The following MYRIP variants were observed in gnomAD, a reference collection of about 807,000 sequenced individuals.
The protein encoded by MYRIP is myosin VIIA and Rab interacting protein.
A neutral mutation model predicts 98.0 loss-of-function variants in MYRIP; 49 were observed. The ratio of observed to expected loss-of-function variants is 0.50; its 90% CI spans 0.40 to 0.63. MYRIP has a LOEUF of 0.63. Ranked by LOEUF, MYRIP falls within the 30% of genes least tolerant of loss-of-function variation. The probability of loss-of-function intolerance (pLI) is 0.00; values close to 1 mark genes in which losing one functional copy is unlikely to be tolerated. For synonymous variants in MYRIP, 404 were observed against 409.5 expected, an observed-to-expected ratio of 0.99 and a Z score of 0.16; for missense variants, 1,004 against 1,058.2, an observed-to-expected ratio of 0.95 and a Z score of 0.71.
intron 10 of MYRIP, among the ~76,000 whole-genome samples, chr3:40,199,118 C>T (rs1206215630): frequency 6.6e-6 from 1 of 152,138 alleles, no homozygotes; most frequent in Non-Finnish European, 1.5e-5. Context: ...GTCATGGAAG[C>T]TCTAGTAGAA....
intron 12 of MYRIP, among the ~76,000 whole-genome samples, chr3:40,237,897 C>A (rs79361833): frequency 0.044 from 6,628 of 152,330 alleles, 183 homozygotes; most frequent in Middle Eastern, 0.078. Context: ...GCCCTTTTAT[C>A]TTTACCTCCA....
At chr3:40,187,440 A>G (rs1025655017) in intron 9 of MYRIP, among the ~76,000 whole-genome samples, 2 of 152,224 alleles carry the variant, frequency 1.3e-5, no homozygotes, top group African/African-American at 4.8e-5. Context: ...AGGAGCCATC[A>G]GGAATTAATT....
intron 3 of MYRIP, among the ~76,000 whole-genome samples, chr3:40,141,015 AT>A (rs1017697151): frequency 1.3e-5 from 2 of 152,012 alleles, no homozygotes; most frequent in African/African-American, 4.8e-5. Flanking sequence ...CATTCTAACG[AT>A]TTTTTTGTAC....
chr3:40,035,099 G>A (rs7629989), intron 2 of MYRIP, among the ~76,000 whole-genome samples: 2,209 of 146,870 alleles, frequency 0.015, 57 homozygotes, highest in African/African-American at 0.052. Context: ...GGGAGGGATA[G>A]CATTAGGAGA....
chr3:39,849,115 A>G (rs929082121), intron 1 of MYRIP, among the ~76,000 whole-genome samples: 11 of 152,254 alleles, frequency 7.2e-5, no homozygotes, highest in Admixed American at 3.9e-4. Context: ...ATATAGATAT[A>G]GGTAAACCAC....
intron 1 of MYRIP, among the ~76,000 whole-genome samples, chr3:39,860,460 T>G (rs2125617319): frequency 6.6e-6 from 1 of 152,302 alleles, no homozygotes; most frequent in South Asian, 2.1e-4. Context: ...TTTGGGGAAC[T>G]GTCAGACCTG....
intron 3 of MYRIP, among the ~76,000 whole-genome samples, chr3:40,116,247 CT>C (rs1949275137): frequency 6.6e-6 from 1 of 152,132 alleles, no homozygotes; most frequent in Admixed American, 6.5e-5. Flanking sequence ...CAGCTTTAGC[CT>C]AGCAGATGCA....
At chr3:40,051,560 T>C (rs1347899996) in intron 3 of MYRIP, among the ~76,000 whole-genome samples, 1 of 152,166 alleles carries the variant, frequency 6.6e-6, no homozygotes, top group Non-Finnish European at 1.5e-5. Flanking sequence ...TTTTTTGTGA[T>C]ATTCGCTTTA....
intron 2 of MYRIP, among the ~76,000 whole-genome samples, chr3:39,960,266 C>T (rs987847840): frequency 1.3e-5 from 2 of 152,060 alleles, no homozygotes; most frequent in Non-Finnish European, 1.5e-5. Context: ...CAGTCCCTCT[C>T]CCCCCATTCT....
At chr3:40,123,453 C>T (rs1405338665) in intron 3 of MYRIP, among the ~76,000 whole-genome samples, 1 of 152,206 alleles carries the variant, frequency 6.6e-6, no homozygotes, top group East Asian at 1.9e-4. Context: ...AGCCCGCCAG[C>T]CATCCTTCTC....
At chr3:39,951,656 T>G (rs1233485957) in intron 2 of MYRIP, among the ~76,000 whole-genome samples, 8 of 152,000 alleles carry the variant, frequency 5.3e-5, no homozygotes, top group South Asian at 2.1e-4. Context: ...TATTCTTTTG[T>G]TTTTTTTCCA....
chr3:39,841,079 C>T lies in MYRIP; in HGVS notation c.-31+31163C>T, dbSNP rs148081247. 9.7e-3 allele frequency among the ~76,000 whole-genome samples: 1,470 copies of T among 152,232 alleles called. 22 individuals carry two copies. Among genetic ancestry groups the T allele is most frequent in the African/African-American group, 0.033 (1,360 of 41,530 alleles). ...TTTTCCAACTCGGTTCCATTTTCCCCGTCACTTTCAGGTACACCAATCAAA... is the reference window on the plus strand; with the variant it reads ...TTTTCCAACTCGGTTCCATTTTCCCTGTCACTTTCAGGTACACCAATCAAA... On this transcript the variant is annotated intron_variant, in intron 1 of 16. Transcript: ENST00000302541.
At chr3:40,144,706 C>T (rs1949975965) in intron 3 of MYRIP, among the ~76,000 whole-genome samples, 1 of 152,168 alleles carries the variant, frequency 6.6e-6, no homozygotes, top group Admixed American at 6.5e-5. Context: ...TTCTGTATTT[C>T]CTTTATTTTC....
rs1943237606 is a variant in MYRIP at position 39,884,480 on chromosome 3, TC to T, written c.-30-16305del. ...GGACTTTGAGTAAAGCAGATTACCC[TC>T]CACAATGTGGATGGGCCCCCATCCA... On this transcript the variant is annotated intron_variant, in intron 1 of 16. Transcript: ENST00000302541. Among the ~76,000 whole-genome samples, 6 of 152,196 alleles carry T rather than the reference TC, an allele frequency of 3.9e-5. 1 individual carries two copies. In the South Asian group the frequency reaches 1.2e-3, roughly 32 times the overall value.
chr3:39,955,404 A>T (rs188550355), intron 2 of MYRIP, among the ~76,000 whole-genome samples: 5 of 152,332 alleles, frequency 3.3e-5, no homozygotes, highest in Admixed American at 3.3e-4. Flanking sequence ...TTTTCAACCC[A>T]GAATTTCATA....
At chr3:40,051,120 C>A (rs1439907060) in intron 3 of MYRIP, among the ~76,000 whole-genome samples, 1 of 152,154 alleles carries the variant, frequency 6.6e-6, no homozygotes, top group Non-Finnish European at 1.5e-5. Context: ...AGAGGATTGA[C>A]TTCAACTTTG....
intron 8 of MYRIP, among the ~76,000 whole-genome samples, chr3:40,176,800 T>C (rs1310182852): frequency 2.0e-5 from 3 of 147,608 alleles, no homozygotes; most frequent in African/African-American, 7.6e-5. Flanking sequence ...TCCCAGCTAC[T>C]AGGGAGGCCG....
At chr3:39,911,040 G>A (rs1944009457) in intron 2 of MYRIP, among the ~76,000 whole-genome samples, 7 of 152,138 alleles carry the variant, frequency 4.6e-5, no homozygotes, top group Admixed American at 4.6e-4. Context: ...AAAGCATACT[G>A]TGTCCATGCC....
chr3:39,998,445 A>C (rs1384112322), intron 2 of MYRIP, among the ~76,000 whole-genome samples: 2 of 152,230 alleles, frequency 1.3e-5, no homozygotes, highest in Non-Finnish European at 2.9e-5. Flanking sequence ...CAAAGACAAT[A>C]AAATACCTAG....
Sources: allele counts gnomAD v4.1 joint callset (sites outside exome capture counted in the v4.1 genomes callset), GRCh38; gene constraint gnomAD v4.1.1; transcripts MANE v1.5; gene names NCBI Gene and HGNC (gene_info 2026-07-23, HGNC 2026-07-21).